OTUD7A: variants seen among roughly 807,000 people sequenced by gnomAD.
OTUD7A encodes OTU deubiquitinase 7A.
A neutral mutation model predicts 65.7 loss-of-function variants in OTUD7A; 12 were observed. The ratio of observed to expected loss-of-function variants is 0.18; its 90% CI spans 0.12 to 0.30. The LOEUF (loss-of-function observed/expected upper bound fraction) is 0.30. OTUD7A is among the 10% of genes least tolerant of loss of function. The probability of loss-of-function intolerance (pLI) is 1.00; values close to 1 mark genes in which losing one functional copy is unlikely to be tolerated. For synonymous variants in OTUD7A, 641 were observed against 586.3 expected, an observed-to-expected ratio of 1.09 and a Z score of -1.35; for missense variants, 1,148 against 1,304.8, an observed-to-expected ratio of 0.88 and a Z score of 1.85.
chr15:31,626,943 T>C (rs1890974993), intron 3 of OTUD7A, among the ~76,000 whole-genome samples: 1 of 136,542 alleles, frequency 7.3e-6, no homozygotes, highest in Non-Finnish European at 1.6e-5. Context: ...TAAAGATTAC[T>C]TTATTGTTAA....
In OTUD7A at chr15:31,595,877, C is replaced by T. The variant is rs529588245; in HGVS notation, c.152-25680G>A. Reference sequence around the variant, plus strand: ...GGTCACTGTCAGTGTCCAGACACCACCTATGTTCCTTGGCTTGTGGCCCCT... The same window carrying T: ...GGTCACTGTCAGTGTCCAGACACCATCTATGTTCCTTGGCTTGTGGCCCCT... On this transcript the variant is annotated intron_variant, in intron 3 of 12. Coordinates refer to ENST00000307050, the MANE Select transcript of OTUD7A (RefSeq NM_001382637.1). Among the ~76,000 whole-genome samples the T allele has an allele frequency of 2.2e-4, 34 of 152,210 alleles. No individual in the cohort carries two copies. In the South Asian group the frequency reaches 6.8e-3, roughly 31 times the overall value.
chr15:31,816,367 C>A (rs1023644667), intron 1 of OTUD7A, among the ~76,000 whole-genome samples: 10 of 152,098 alleles, frequency 6.6e-5, no homozygotes, highest in African/African-American at 2.4e-4. Context: ...ACAACGAATC[C>A]CACTATATTA....
intron 1 of OTUD7A, among the ~76,000 whole-genome samples, chr15:31,818,348 T>G (rs1327377656): frequency 6.6e-6 from 1 of 151,974 alleles, no homozygotes; most frequent in Non-Finnish European, 1.5e-5. Context: ...AACAAAGAGG[T>G]ACAGAGAAAA....
At chr15:31,774,760 C>T (rs1310773277) in intron 1 of OTUD7A, among the ~76,000 whole-genome samples, 6 of 152,132 alleles carry the variant, frequency 3.9e-5, no homozygotes, top group Non-Finnish European at 5.9e-5. Context: ...ACTTAAGTTT[C>T]CCCTTAATTT....
intron 1 of OTUD7A, among the ~76,000 whole-genome samples, chr15:31,812,840 C>T (rs1211231479): frequency 2.0e-5 from 3 of 152,200 alleles, no homozygotes; most frequent in South Asian, 4.1e-4. Flanking sequence ...CAAGCTGAGT[C>T]TCCCCTTGGT....
chr15:31,811,784 C>A (rs1291246286), intron 1 of OTUD7A, among the ~76,000 whole-genome samples: 1 of 152,186 alleles, frequency 6.6e-6, no homozygotes, highest in Non-Finnish European at 1.5e-5. Context: ...CTGGCTAGGC[C>A]CTGCTGCGGG....
chr15:31,729,181 G>T (rs1043070379), intron 1 of OTUD7A, among the ~76,000 whole-genome samples: 1 of 152,164 alleles, frequency 6.6e-6, no homozygotes, highest in Admixed American at 6.5e-5. Context: ...TATATATAGG[G>T]TTTGGTACTA....
chr15:31,746,489 C>A (rs1208389631), intron 1 of OTUD7A, among the ~76,000 whole-genome samples: 4 of 148,856 alleles, frequency 2.7e-5, no homozygotes, highest in Non-Finnish European at 5.9e-5. Flanking sequence ...AAATCAAACT[C>A]CATAGTAGTT....
intron 1 of OTUD7A, among the ~76,000 whole-genome samples, chr15:31,750,047 T>C (rs952874543): frequency 5.3e-5 from 8 of 152,122 alleles, no homozygotes; most frequent in African/African-American, 1.9e-4. Context: ...AAAACGCTGA[T>C]AAAAGAAATT....
chr15:31,715,090 CACCA>C, intron 1 of OTUD7A, among the ~76,000 whole-genome samples: 1 of 151,844 alleles, frequency 6.6e-6, no homozygotes, highest in South Asian at 2.1e-4. Flanking sequence ...GAGCTGAGCG[CACCA>C]CTGCACTCCA....
rs1385416427 is a variant in OTUD7A at position 31,484,836 on chromosome 15, CA to C, written c.1372-113del. ...TGCCGAGGCTAGGGCCCTGGACCTTCACTGTCCCAGTCCCCACTGTCGCTCT... is the reference window on the plus strand; with the variant it reads ...TGCCGAGGCTAGGGCCCTGGACCTTCCTGTCCCAGTCCCCACTGTCGCTCT... On this transcript the variant is annotated intron_variant, in intron 12 of 12. Transcript: ENST00000307050. The surrounding 1 kb of genome is among the most constrained non-coding windows in gnomAD (Gnocchi z 4.5). The C allele has an allele frequency of 4.0e-5, 59 of 1,475,100 alleles. No homozygotes were observed. Among genetic ancestry groups the C allele is most frequent in the Non-Finnish European group, 5.1e-5 (57 of 1,115,378 alleles). The allele number at this position is 1,475,100 out of a possible 1,614,324, so 91.4% of individuals were successfully genotyped here.
intron 1 of OTUD7A, among the ~76,000 whole-genome samples, chr15:31,732,287 G>T (rs1894065754): frequency 6.6e-6 from 1 of 152,218 alleles, no homozygotes; most frequent in African/African-American, 2.4e-5. Flanking sequence ...CACATGCGCA[G>T]AGCTGGTGTC....
chr15:31,490,137 G>GCCT (rs2041298204), intron 10 of OTUD7A, among the ~76,000 whole-genome samples: 1 of 152,240 alleles, frequency 6.6e-6, no homozygotes, highest in African/African-American at 2.4e-5. Flanking sequence ...TGCTCAGGAT[G>GCCT]CCTCTGCTTC....
chr15:31,830,759 T>C (rs1436672957), intron 1 of OTUD7A, among the ~76,000 whole-genome samples: 1 of 152,248 alleles, frequency 6.6e-6, no homozygotes, highest in Admixed American at 6.5e-5. Context: ...ATGTGTATGC[T>C]GTGCCTGATG....
At chr15:31,537,245 T>C (rs748356620) in intron 5 of OTUD7A, among the ~76,000 whole-genome samples, 3 of 152,238 alleles carry the variant, frequency 2.0e-5, no homozygotes, top group Non-Finnish European at 2.9e-5. Context: ...TTGTTTAAAC[T>C]GAATCCTTAT....
At chr15:31,561,208 G>A (rs1325326919) in intron 4 of OTUD7A, among the ~76,000 whole-genome samples, 1 of 152,048 alleles carries the variant, frequency 6.6e-6, no homozygotes, top group Non-Finnish European at 1.5e-5. Context: ...AAGAGGGAGG[G>A]AGCACATGGG....
At chr15:31,525,548 C>T (rs951443080) in intron 8 of OTUD7A, among the ~76,000 whole-genome samples, 2 of 152,216 alleles carry the variant, frequency 1.3e-5, no homozygotes, top group Admixed American at 6.5e-5. Flanking sequence ...CGCTGCAGGG[C>T]CCATGAGCCT....
intron 5 of OTUD7A, among the ~76,000 whole-genome samples, chr15:31,541,417 C>T (rs1053484543): frequency 2.0e-5 from 3 of 152,004 alleles, no homozygotes; most frequent in Non-Finnish European, 2.9e-5. Context: ...CTCTGTAATA[C>T]TTAGCAAAAA....
rs559778029 is a variant in OTUD7A at position 31,484,074 on chromosome 15, G to C, written c.2022C>G (p.Ala674=). ...YLTSAQERFS[A]EQEQRRRDAA... is the part of the protein sequence containing the mutation. ...CGTCGCGGCGCCGCTGCTCCTGCTC[G>C]GCGCTGAAGCGCTCCTGCGCGCTCG... Residue 674 remains alanine, a synonymous_variant, in exon 13 of 13, where the codon GCC becomes GCG. Transcript: ENST00000307050. The surrounding 1 kb of genome is among the most constrained non-coding windows in gnomAD (Gnocchi z 4.5). The C allele has an allele frequency of 1.9e-6, 3 of 1,570,062 alleles. No individual in the cohort carries two copies. The highest frequency in any genetic ancestry group is 1.4e-5 in the African/African-American group (1 of 73,620).
Sources: gnomAD v4.1 joint callset for allele counts (sites outside exome capture counted in the v4.1 genomes callset) on GRCh38, gnomAD v4.1.1 for gene constraint, Gnocchi (gnomAD v3.1) non-coding constraint, MANE v1.5 for transcripts, NCBI Gene and HGNC (gene_info 2026-07-23, HGNC 2026-07-21) for gene names.